NCK2: variants seen among roughly 807,000 people sequenced by gnomAD.
The protein encoded by NCK2 is cytoplasmic protein NCK2.
A neutral mutation model predicts 33.9 loss-of-function variants in NCK2; 16 were observed. The ratio of observed to expected loss-of-function variants is 0.47; its 90% CI spans 0.32 to 0.72. The LOEUF is 0.72. NCK2 is among the 30% of genes least tolerant of loss of function. NCK2 has a pLI of 0.03. For missense variants in NCK2, 418 were observed against 537.3 expected (o/e 0.78, Z 2.19); for synonymous variants, 273 against 239.9 (o/e 1.14, Z -1.27).
chr2:105,756,481 T>G (rs1689602122), intron 1 of NCK2, among the ~76,000 whole-genome samples: 1 of 152,226 alleles, frequency 6.6e-6, no homozygotes, highest in Admixed American at 6.5e-5. Context: ...CTTGCACACC[T>G]TGTATCATTT....
chr2:105,848,991 A>G (rs1676957272), intron 2 of NCK2, among the ~76,000 whole-genome samples: 1 of 152,228 alleles, frequency 6.6e-6, no homozygotes, highest in Admixed American at 6.5e-5. Context: ...TTTGGTATGC[A>G]CACATGTGCA....
intron 2 of NCK2, among the ~76,000 whole-genome samples, chr2:105,833,351 A>G (rs983233055): frequency 9.2e-5 from 14 of 152,044 alleles, no homozygotes; most frequent in African/African-American, 3.4e-4. Context: ...CCCACTTCCC[A>G]AAGTGCTGGG....
At chr2:105,882,798 G>A (rs1368206969) in intron 4 of NCK2, among the ~76,000 whole-genome samples, 1 of 152,182 alleles carries the variant, frequency 6.6e-6, no homozygotes, top group African/African-American at 2.4e-5. Flanking sequence ...ACGTCTTTCC[G>A]AATACACCTT....
chr2:105,795,716 C>T (rs1691058620), intron 1 of NCK2, among the ~76,000 whole-genome samples: 1 of 152,100 alleles, frequency 6.6e-6, no homozygotes, highest in Non-Finnish European at 1.5e-5. Context: ...GGGGACAGCT[C>T]CACGACAAAG....
chr2:105,847,394 G>A (rs1676891685), intron 2 of NCK2: 1 of 152,096 alleles, frequency 6.6e-6, no homozygotes, highest in African/African-American at 2.4e-5. Flanking sequence ...GAAAAGAAAT[G>A]ATGTGGGATA....
At chr2:105,881,177 T>TTCTCATGTAA in intron 3 of NCK2, 151 bp from the exon 4 acceptor site, 2 of 1,109,888 alleles carry the variant, frequency 1.8e-6, no homozygotes, top group Middle Eastern at 3.0e-4. Context: ...CAACCGTATT[T>TTCTCATGTAA]TTCTCATGGT....
intron 2 of NCK2, among the ~76,000 whole-genome samples, chr2:105,853,012 A>C (rs940258472): frequency 2.0e-5 from 3 of 152,202 alleles, no homozygotes; most frequent in Admixed American, 6.5e-5. Flanking sequence ...TTTTTTTAGC[A>C]TCTAGTAGAA....
chr2:105,795,785 T>C lies in NCK2; in HGVS notation c.-200-20645T>C, dbSNP rs1691062724. On this transcript the variant is annotated intron_variant, in intron 1 of 4. Transcript: ENST00000233154. ...AACACTGCTCATGTTCAACCAGGTA[T>C]TTGAGTCATTATTCCTCCCTCTAGA... Among the ~76,000 whole-genome samples the C allele has an allele frequency of 1.3e-5, 2 of 152,176 alleles. 1 individual carries two copies. Among genetic ancestry groups the C allele is most frequent in the South Asian group, 4.1e-4 (2 of 4,830 alleles).
At chr2:105,804,192 T>C (rs2104452665) in intron 1 of NCK2, among the ~76,000 whole-genome samples, 2 of 152,232 alleles carry the variant, frequency 1.3e-5, no homozygotes, top group East Asian at 3.8e-4. Context: ...TTGAGATGTT[T>C]TCTGGGCCTG....
intron 1 of NCK2, among the ~76,000 whole-genome samples, chr2:105,760,205 A>G (rs1482822000): frequency 6.6e-6 from 1 of 152,128 alleles, no homozygotes; most frequent in Admixed American, 6.5e-5. Context: ...CAAGATTTTC[A>G]GTGGGGATAG....
At chr2:105,811,213 T>G (rs1236371042) in intron 1 of NCK2, among the ~76,000 whole-genome samples, 1 of 151,834 alleles carries the variant, frequency 6.6e-6, no homozygotes, top group African/African-American at 2.4e-5. Context: ...TTTAGTAAGC[T>G]TTGATACATT....
intron 1 of NCK2, among the ~76,000 whole-genome samples, chr2:105,808,563 T>G (rs2104464382): frequency 6.6e-6 from 1 of 152,228 alleles, no homozygotes; most frequent in Non-Finnish European, 1.5e-5. Context: ...TAACCACCAG[T>G]TTACTACAAA....
intron 1 of NCK2, among the ~76,000 whole-genome samples, chr2:105,768,736 A>C (rs192460024): frequency 6.6e-6 from 1 of 152,210 alleles, no homozygotes; most frequent in Admixed American, 6.5e-5. Context: ...ATGGCCCAAG[A>C]TGATTCTTAC....
intron 1 of NCK2, among the ~76,000 whole-genome samples, chr2:105,779,918 T>TGC (rs1690431821): frequency 6.6e-6 from 1 of 152,158 alleles, no homozygotes; most frequent in Non-Finnish European, 1.5e-5. Context: ...CTTCACCCTC[T>TGC]CATTCAGGAT....
At chr2:105,876,149 T>C (rs1022265099) in intron 3 of NCK2, among the ~76,000 whole-genome samples, 2 of 152,202 alleles carry the variant, frequency 1.3e-5, no homozygotes, top group African/African-American at 4.8e-5. Flanking sequence ...CATCGCAATA[T>C]GATTTATCCA....
intron 1 of NCK2, among the ~76,000 whole-genome samples, chr2:105,779,082 G>GGAT (rs1222863367): frequency 6.6e-6 from 1 of 152,160 alleles, no homozygotes; most frequent in East Asian, 1.9e-4. Flanking sequence ...TGAGGCAGGT[G>GGAT]GATCACTTGA....
intron 1 of NCK2, among the ~76,000 whole-genome samples, chr2:105,781,743 G>T (rs1295868955): frequency 1.3e-5 from 2 of 152,194 alleles, no homozygotes; most frequent in African/African-American, 4.8e-5. Flanking sequence ...AATTTATGTT[G>T]TCTGTGACAG....
chr2:105,870,708 G>GCCA (rs1677964537), intron 3 of NCK2, among the ~76,000 whole-genome samples: 1 of 152,134 alleles, frequency 6.6e-6, no homozygotes, highest in South Asian at 2.1e-4. Flanking sequence ...CCAAGATCGC[G>GCCA]CCACCTCACT....
At chr2:105,785,320 C>T (rs1168991580) in intron 1 of NCK2, among the ~76,000 whole-genome samples, 2 of 152,066 alleles carry the variant, frequency 1.3e-5, no homozygotes, top group Non-Finnish European at 2.9e-5. Flanking sequence ...TGTGTGTGTC[C>T]AAGTGTAAAA....
Sources: gnomAD v4.1 joint callset for allele counts (sites outside exome capture counted in the v4.1 genomes callset) on GRCh38, gnomAD v4.1.1 for gene constraint, MANE v1.5 for transcripts, NCBI Gene and HGNC (gene_info 2026-07-23, HGNC 2026-07-21) for gene names.